Variants in KIF13B observed in about 807,000 individuals in gnomAD.
KIF13B encodes kinesin family member 13B.
KIF13B carries 127 observed loss-of-function variants against 222.0 expected under a neutral mutation model. The ratio of observed to expected loss-of-function variants is 0.57; its 90% CI spans 0.50 to 0.66. The LOEUF (loss-of-function observed/expected upper bound fraction) is 0.66. KIF13B is among the 30% of genes least tolerant of loss of function. The pLI, the probability that KIF13B is intolerant of heterozygous loss-of-function variation, is 0.00. For missense variants in KIF13B, 2,173 were observed against 2,379.0 expected (o/e 0.91, Z 1.80); for synonymous variants, 976 against 919.0 (o/e 1.06, Z -1.12).
At chr8:29,252,276 G>A (rs1816313728) in intron 1 of KIF13B, among the ~76,000 whole-genome samples, 2 of 152,198 alleles carry the variant, frequency 1.3e-5, no homozygotes, top group Admixed American at 6.5e-5. Flanking sequence ...TTTCTTCGCT[G>A]TACACATCAG....
At chr8:29,109,593 A>AC in intron 33 of KIF13B, 82 bp from the exon 34 acceptor site, 1 of 1,067,440 alleles carries the variant, frequency 9.4e-7, no homozygotes, top group Non-Finnish European at 1.5e-6. Flanking sequence ...CAGACTTGCA[A>AC]CCCCCATCTA....
rs540891523 is a variant in KIF13B at position 29,208,136 on chromosome 8, A to G, written c.150-11937T>C. Among the ~76,000 whole-genome samples the G allele has an allele frequency of 9.8e-5, 15 of 152,340 alleles. No individual in the cohort carries two copies. In the South Asian group the frequency reaches 3.1e-3, roughly 32 times the overall value. The stretch of plus-strand genomic sequence containing the variant: ...TAATTTATTCTGATGGCAGGGAAAT[A>G]AGAACTTAAAAAGCTTTAAATAAAA... On this transcript the variant is annotated intron_variant, in intron 2 of 39. Transcript: ENST00000524189.
rs1586735704 is a variant in KIF13B at position 29,071,312 on chromosome 8, A to G, written c.5218+308T>C. ...AGATGCTCTAAGGTGAAGGATGAGA[A>G]AGCAGAGCCCAGGGAGTGCAGAGGG... On this transcript the variant is annotated intron_variant, in intron 39 of 39. Transcript: ENST00000524189. The surrounding 1 kb of genome is among the most constrained non-coding windows in gnomAD (Gnocchi z 4.9). Among the ~76,000 whole-genome samples, 1 of 152,248 alleles carries G rather than the reference A, an allele frequency of 6.6e-6. No homozygotes were observed.
At chr8:29,247,790 C>A (rs916972241) in intron 1 of KIF13B, among the ~76,000 whole-genome samples, 3 of 121,840 alleles carry the variant, frequency 2.5e-5, no homozygotes, top group Non-Finnish European at 4.7e-5. Context: ...GCTGTGATGG[C>A]AATACTGCAC....
chr8:29,206,253 T>C (rs1281191460), intron 2 of KIF13B, among the ~76,000 whole-genome samples: 1 of 152,084 alleles, frequency 6.6e-6, no homozygotes, highest in Non-Finnish European at 1.5e-5. Context: ...AGTGAGACCT[T>C]GTCTCTATGA....
chr8:29,155,909 T>C (rs750918473), intron 13 of KIF13B, 53 bp from the exon 14 acceptor site: 21 of 1,381,498 alleles, frequency 1.5e-5, no homozygotes, highest in South Asian at 1.2e-4. Context: ...ATATACACAA[T>C]TGAAATCATT....
At chr8:29,228,472 A>AAAATATATATATATATATATATAT in intron 2 of KIF13B, among the ~76,000 whole-genome samples, 15 of 117,048 alleles carry the variant, frequency 1.3e-4, no homozygotes, top group East Asian at 1.0e-3. Flanking sequence ...ATCTTAAAAA[A>AAAATATATATATATATATATATAT]ATATATATAT....
intron 1 of KIF13B, chr8:29,250,207 C>T (rs186562998): frequency 2.6e-4 from 106 of 402,378 alleles, no homozygotes; most frequent in African/African-American, 2.1e-3. Context: ...CTCTAAGTGC[C>T]GTTCTCATAC....
chr8:29,177,767 G>A (rs1812543262), intron 8 of KIF13B, among the ~76,000 whole-genome samples, 189 bp from the exon 9 acceptor site: 1 of 152,084 alleles, frequency 6.6e-6, no homozygotes, highest in Admixed American at 6.6e-5. Flanking sequence ...AAAAATAGCT[G>A]GCCATGGTGG....
At chr8:29,239,626 C>T (rs1425966635) in intron 2 of KIF13B, among the ~76,000 whole-genome samples, 1 of 152,124 alleles carries the variant, frequency 6.6e-6, no homozygotes, top group Non-Finnish European at 1.5e-5. Flanking sequence ...AAGCCCAAAC[C>T]TCAACATTAC....
intron 35 of KIF13B, among the ~76,000 whole-genome samples, chr8:29,101,976 C>A (rs1808808823): frequency 6.6e-6 from 1 of 152,130 alleles, no homozygotes; most frequent in Non-Finnish European, 1.5e-5. Context: ...GGTTCAGGGT[C>A]CGGCTACACA....
intron 1 of KIF13B, among the ~76,000 whole-genome samples, chr8:29,251,782 A>T (rs763685593): frequency 1.3e-5 from 2 of 152,232 alleles, no homozygotes; most frequent in Non-Finnish European, 2.9e-5. Context: ...GTATTTCACA[A>T]TTTAAAATAT....
intron 36 of KIF13B, among the ~76,000 whole-genome samples, chr8:29,097,976 C>G (rs1401191267): frequency 6.6e-6 from 1 of 151,240 alleles, no homozygotes; most frequent in Non-Finnish European, 1.5e-5. Context: ...TAGAGACCAA[C>G]CTGGCTAACA....
At chr8:29,180,491 T>C (rs771671439) in intron 7 of KIF13B, among the ~76,000 whole-genome samples, 15 of 152,168 alleles carry the variant, frequency 9.9e-5, no homozygotes, top group Non-Finnish European at 1.9e-4. Flanking sequence ...AGCTACACCT[T>C]TGGTCACACA....
chr8:29,253,943 A>G (rs987048740), intron 1 of KIF13B, among the ~76,000 whole-genome samples: 1 of 152,158 alleles, frequency 6.6e-6, no homozygotes, highest in Non-Finnish European at 1.5e-5. Context: ...TCGAAACTTA[A>G]TACAAAGGTA....
At chr8:29,182,339 G>A (rs1410825003) in intron 6 of KIF13B, among the ~76,000 whole-genome samples, 1 of 152,168 alleles carries the variant, frequency 6.6e-6, no homozygotes, top group African/African-American at 2.4e-5. Flanking sequence ...AATGTTAACT[G>A]TGCGAGAAAG....
chr8:29,138,745 A>C (rs1810675868), intron 21 of KIF13B: 1 of 152,236 alleles, frequency 6.6e-6, no homozygotes, highest in African/African-American at 2.4e-5. Context: ...GCAGGTCAAC[A>C]ACCCAGTTTC....
intron 35 of KIF13B, among the ~76,000 whole-genome samples, chr8:29,102,970 C>T (rs540623126): frequency 7.9e-5 from 12 of 152,222 alleles, no homozygotes; most frequent in South Asian, 4.2e-4. Context: ...CGGCCAGGTG[C>T]GGTGGCTCAC....
intron 28 of KIF13B, 110 bp downstream of exon 28, chr8:29,123,256 C>A: frequency 1.7e-6 from 2 of 1,185,400 alleles, no homozygotes; most frequent in South Asian, 1.6e-5. Flanking sequence ...ACAACATTTC[C>A]CCCCATGCTA....
Sources: allele counts gnomAD v4.1 joint callset (sites outside exome capture counted in the v4.1 genomes callset), GRCh38; gene constraint gnomAD v4.1.1; non-coding constraint Gnocchi (gnomAD v3.1); transcripts MANE v1.5; gene names NCBI Gene and HGNC (gene_info 2026-07-23, HGNC 2026-07-21).